The following DCAF6 variants were observed in gnomAD, a reference collection of about 807,000 sequenced individuals.
The protein encoded by DCAF6 is DDB1 and CUL4 associated factor 6.
DCAF6 carries 54 observed loss-of-function variants against 125.1 expected under a neutral mutation model. The observed-to-expected ratio is 0.43, with a 90% CI of 0.35 to 0.54. DCAF6 has a LOEUF of 0.54. Among genes scored for constraint, DCAF6 ranks in the 20% least tolerant of loss-of-function variants. DCAF6 has a pLI of 0.01. For synonymous variants in DCAF6, 371 were observed against 390.4 expected (o/e 0.95, Z 0.58); for missense variants, 934 against 1,161.7 (o/e 0.80, Z 2.85).
the DCAF6 span, among the ~76,000 whole-genome samples, chr1:167,873,995 T>C: frequency 6.6e-6 from 1 of 152,078 alleles, no homozygotes; most frequent in African/African-American, 2.4e-5. Flanking sequence ...AATCAAAATA[T>C]AACCCAGTTG....
At chr1:167,888,587 G>A in the DCAF6 span, among the ~76,000 whole-genome samples, 1 of 152,066 alleles carries the variant, frequency 6.6e-6, no homozygotes, top group Non-Finnish European at 1.5e-5. Flanking sequence ...TAGAAATGCT[G>A]ATTTTTGGGC....
the DCAF6 span, among the ~76,000 whole-genome samples, chr1:167,908,731 A>T: frequency 1.2e-4 from 18 of 152,206 alleles, no homozygotes; most frequent in African/African-American, 4.3e-4. Context: ...ATAGTGAGAG[A>T]ACTAATGCAC....
At chr1:167,875,072 T>C in the DCAF6 span, 2 of 1,332,042 alleles carry the variant, frequency 1.5e-6, no homozygotes, top group Admixed American at 1.7e-5. Context: ...TTGATGTACT[T>C]TTCTGCATGT....
At chr1:167,880,037 G>A in the DCAF6 span, 1 of 1,253,186 alleles carries the variant, frequency 8.0e-7, no homozygotes, top group African/African-American at 1.5e-5. Context: ...ACTCATTTTT[G>A]TGCTTCCTCC....
At chr1:167,920,180 A>G in the DCAF6 span, 1 of 794,250 alleles carries the variant, frequency 1.3e-6, no homozygotes, top group Non-Finnish European at 2.1e-6. Context: ...AATTACAACA[A>G]TAATGTAGGA....
intron 4 of DCAF6, among the ~76,000 whole-genome samples, chr1:167,985,210 T>G (rs1018110659): frequency 3.3e-4 from 41 of 123,798 alleles, no homozygotes; most frequent in Admixed American, 4.1e-4. Flanking sequence ...TGTGTGTGTG[T>G]GGTGTGTGTG....
intron 3 of DCAF6, among the ~76,000 whole-genome samples, chr1:167,968,945 A>G (rs1676880162): frequency 6.6e-6 from 1 of 152,178 alleles, no homozygotes; most frequent in African/African-American, 2.4e-5. Flanking sequence ...TTGCAATGTG[A>G]AATTTACTTC....
the DCAF6 span, chr1:167,870,367 T>G: frequency 2.5e-6 from 4 of 1,613,316 alleles, no homozygotes; most frequent in Non-Finnish European, 3.4e-6. Flanking sequence ...ATATCAAAAA[T>G]TTCTTCATAG....
At chr1:167,997,747 G>C (rs1417997524) in intron 7 of DCAF6, among the ~76,000 whole-genome samples, 1 of 152,148 alleles carries the variant, frequency 6.6e-6, no homozygotes, top group Non-Finnish European at 1.5e-5. Flanking sequence ...TCTGGTTACA[G>C]TTTAGTATCC....
At chr1:168,025,023 A>T (rs905337564) in intron 12 of DCAF6, among the ~76,000 whole-genome samples, 3 of 152,182 alleles carry the variant, frequency 2.0e-5, no homozygotes, top group African/African-American at 7.2e-5. Flanking sequence ...AATGAAGAAT[A>T]ATTAAGGCAA....
chr1:168,058,322 C>T (rs2101917097), intron 17 of DCAF6, among the ~76,000 whole-genome samples: 1 of 152,214 alleles, frequency 6.6e-6, no homozygotes, highest in South Asian at 2.1e-4. Context: ...GCGTATATAC[C>T]AAGGAATGGA....
At chr1:167,867,349 G>A in the DCAF6 span, among the ~76,000 whole-genome samples, 3 of 152,086 alleles carry the variant, frequency 2.0e-5, no homozygotes, top group African/African-American at 7.2e-5. Flanking sequence ...AACTCATCAC[G>A]GGACTCATTT....
At chr1:167,895,312 C>CA in the DCAF6 span, among the ~76,000 whole-genome samples, 1 of 152,082 alleles carries the variant, frequency 6.6e-6, no homozygotes, top group Non-Finnish European at 1.5e-5. Context: ...TGGGTAATGT[C>CA]ATGAGGCTTT....
chr1:167,894,322 G>C, the DCAF6 span, among the ~76,000 whole-genome samples: 1 of 152,236 alleles, frequency 6.6e-6, no homozygotes, highest in African/African-American at 2.4e-5. Context: ...GAGTTGAAAG[G>C]GCAGCAGGAA....
chr1:167,931,045 C>A (rs1230661615), upstream of DCAF6, among the ~76,000 whole-genome samples: 3 of 152,218 alleles, frequency 2.0e-5, no homozygotes, highest in Non-Finnish European at 4.4e-5. Context: ...AATTCTCCTG[C>A]CTCACCCTCC....
intron 7 of DCAF6, 58 bp from the exon 8 acceptor site, chr1:168,002,423 AG>A: frequency 1.4e-6 from 2 of 1,383,304 alleles, no homozygotes; most frequent in Non-Finnish European, 2.1e-6. Flanking sequence ...GTATGCTTTA[AG>A]AGTTGAGAGT....
chr1:167,887,200 G>A, the DCAF6 span, among the ~76,000 whole-genome samples: 1 of 152,130 alleles, frequency 6.6e-6, no homozygotes, highest in African/African-American at 2.4e-5. Context: ...TACTGGGTAT[G>A]TACCCAAAGG....
At chr1:167,872,039 T>TA in the DCAF6 span, among the ~76,000 whole-genome samples, 3 of 151,860 alleles carry the variant, frequency 2.0e-5, no homozygotes, top group South Asian at 6.2e-4. Flanking sequence ...AATAAATAAA[T>TA]AAAAAATAAT....
intron 4 of DCAF6, among the ~76,000 whole-genome samples, chr1:167,977,075 A>T (rs1177872472): frequency 6.7e-6 from 1 of 148,284 alleles, no homozygotes; most frequent in Non-Finnish European, 1.5e-5. Context: ...CTAATTTTGT[A>T]TTTTTTTTAG....
Sources: gnomAD v4.1 joint callset for allele counts (sites outside exome capture counted in the v4.1 genomes callset) on GRCh38, gnomAD v4.1.1 for gene constraint, MANE v1.5 for transcripts, NCBI Gene and HGNC (gene_info 2026-07-23, HGNC 2026-07-21) for gene names.